The following CWF19L2 variants were observed in gnomAD, a reference collection of about 807,000 sequenced individuals.
The protein encoded by CWF19L2 is CWF19 like cell cycle control factor 2, also known as CWF19-like protein 2.
Under a neutral mutation model 111.7 loss-of-function variants are expected in CWF19L2, and 98 were observed. That is an observed-to-expected ratio of 0.88 (90% CI 0.75 to 1.04). The LOEUF is 1.04. CWF19L2 is among the 50% of genes least tolerant of loss of function. CWF19L2 has a pLI of 0.00. For synonymous variants in CWF19L2, 351 were observed against 342.9 expected, an observed-to-expected ratio of 1.02 and a Z score of -0.26; for missense variants, 1,101 against 1,051.4, an observed-to-expected ratio of 1.05 and a Z score of -0.65.
intron 14 of CWF19L2, among the ~76,000 whole-genome samples, chr11:107,341,076 T>C (rs767765350): frequency 1.3e-5 from 2 of 152,202 alleles, no homozygotes; most frequent in Non-Finnish European, 2.9e-5. Context: ...AAAGCAATGG[T>C]CTGCCCTGTT....
chr11:107,387,428 G>T (rs999062250), intron 12 of CWF19L2, among the ~76,000 whole-genome samples: 4 of 144,782 alleles, frequency 2.8e-5, no homozygotes, highest in Non-Finnish European at 4.5e-5. Flanking sequence ...ACCAAATCAT[G>T]ACACAGCCTT....
intron 12 of CWF19L2, among the ~76,000 whole-genome samples, chr11:107,362,786 G>A (rs1020660466): frequency 4.0e-5 from 6 of 151,750 alleles, no homozygotes; most frequent in African/African-American, 1.5e-4. Flanking sequence ...CCAAAGGAAC[G>A]CAGTTCCTCA....
chr11:107,350,890 T>A (rs188302824), intron 13 of CWF19L2, among the ~76,000 whole-genome samples: 1 of 152,124 alleles, frequency 6.6e-6, no homozygotes, highest in East Asian at 1.9e-4. Context: ...AGGAAAAGCA[T>A]GTGAGGAGGA....
chr11:107,425,053 T>C (rs1391118078), intron 8 of CWF19L2, among the ~76,000 whole-genome samples: 2 of 151,712 alleles, frequency 1.3e-5, no homozygotes, highest in African/African-American at 2.4e-5. Context: ...GCAATTATCC[T>C]GCAAAAAGAA....
intron 10 of CWF19L2, among the ~76,000 whole-genome samples, chr11:107,409,868 A>G (rs1203930475): frequency 6.6e-6 from 1 of 152,154 alleles, no homozygotes; most frequent in Non-Finnish European, 1.5e-5. Context: ...TAAATTAAAG[A>G]CATTCATAAA....
intron 8 of CWF19L2, among the ~76,000 whole-genome samples, chr11:107,424,256 C>A (rs753816255): frequency 2.0e-5 from 3 of 151,562 alleles, no homozygotes; most frequent in Admixed American, 6.6e-5. Flanking sequence ...CCCACACTCA[C>A]CCATACTAAC....
intron 12 of CWF19L2, among the ~76,000 whole-genome samples, chr11:107,355,048 T>C (rs1860215156): frequency 6.6e-6 from 1 of 151,772 alleles, no homozygotes; most frequent in Non-Finnish European, 1.5e-5. Flanking sequence ...TTCTACTAAG[T>C]GTAATATAAG....
intron 10 of CWF19L2, among the ~76,000 whole-genome samples, chr11:107,409,220 G>C (rs1861124125): frequency 6.6e-6 from 1 of 151,954 alleles, no homozygotes; most frequent in African/African-American, 2.4e-5. Context: ...TGTTAAAGCA[G>C]TAATTGAATA....
At chr11:107,452,868 T>C (rs1033751951) in intron 3 of CWF19L2, among the ~76,000 whole-genome samples, 1 of 152,186 alleles carries the variant, frequency 6.6e-6, no homozygotes, top group African/African-American at 2.4e-5. Context: ...TCATAGCTAA[T>C]TGGGCTGCTA....
chr11:107,362,176 C>T (rs1860358012), intron 12 of CWF19L2, among the ~76,000 whole-genome samples: 1 of 141,886 alleles, frequency 7.0e-6, no homozygotes, highest in African/African-American at 2.7e-5. Flanking sequence ...GGGTCCTACG[C>T]CCACGGAGTC....
chr11:107,343,906 TC>T (rs1860041266), intron 14 of CWF19L2, among the ~76,000 whole-genome samples: 1 of 152,164 alleles, frequency 6.6e-6, no homozygotes, highest in South Asian at 2.1e-4. Context: ...AAATACTTTC[TC>T]CACATACATT....
At chr11:107,359,271 G>A (rs1860286447) in intron 12 of CWF19L2, among the ~76,000 whole-genome samples, 1 of 152,200 alleles carries the variant, frequency 6.6e-6, no homozygotes, top group Non-Finnish European at 1.5e-5. Flanking sequence ...TACTGGAATA[G>A]ATACTTTGGA....
intron 12 of CWF19L2, among the ~76,000 whole-genome samples, chr11:107,362,390 G>C (rs1006356099): frequency 2.0e-5 from 3 of 151,942 alleles, no homozygotes; most frequent in African/African-American, 7.3e-5. Context: ...CAAACAAAAA[G>C]ACAGCAGTAA....
At chr11:107,434,842 A>AAGGGGGC (rs772282446) in intron 6 of CWF19L2, among the ~76,000 whole-genome samples, 1 of 152,018 alleles carries the variant, frequency 6.6e-6, no homozygotes, top group Non-Finnish European at 1.5e-5. Flanking sequence ...AAGGGTCACA[A>AAGGGGGC]AGGGGGCTTC....
intron 13 of CWF19L2, among the ~76,000 whole-genome samples, chr11:107,352,528 A>G (rs948499506): frequency 1.3e-5 from 2 of 152,214 alleles, no homozygotes; most frequent in African/African-American, 4.8e-5. Context: ...CAAAAATATT[A>G]AAGAATGAAC....
chr11:107,373,371 G>A (rs1860544381), intron 12 of CWF19L2, among the ~76,000 whole-genome samples: 1 of 134,536 alleles, frequency 7.4e-6, no homozygotes, highest in Non-Finnish European at 1.6e-5. Flanking sequence ...AAATGCCCCT[G>A]TCTGACAGCT....
intron 10 of CWF19L2, among the ~76,000 whole-genome samples, chr11:107,415,735 A>T (rs1463567657): frequency 1.3e-5 from 2 of 152,208 alleles, no homozygotes; most frequent in Non-Finnish European, 2.9e-5. Flanking sequence ...AGAAAACTAA[A>T]TTTTTTAAAA....
chr11:107,454,604 T>C, intron 2 of CWF19L2, 32 bp from the exon 3 acceptor site: 1 of 1,264,806 alleles, frequency 7.9e-7, no homozygotes, highest in Non-Finnish European at 1.0e-6. Context: ...AAGAAAATAA[T>C]TTAATTTCAT....
rs1302553611 is a variant in CWF19L2 at position 107,429,184 on chromosome 11, C to G, written c.1048G>C (p.Glu350Gln). ...RPGSLETCRR[E>Q]SNPRQNQEFS... Reference sequence around the variant, plus strand: ...TCTTGATTTTGCCTTGGGTTAGATTCTCTTCTACACGTTTCTAAAGACCCA... The same window carrying G: ...TCTTGATTTTGCCTTGGGTTAGATTGTCTTCTACACGTTTCTAAAGACCCA... Residue 350 changes from glutamate to glutamine, a missense_variant, in exon 8 of 18, where the codon GAA (glutamate) becomes CAA (glutamine). Glu to Gln is a conservative substitution (Grantham distance 29). Coordinates refer to ENST00000282251, the MANE Select transcript of CWF19L2 (RefSeq NM_152434.3). The G allele has an allele frequency of 6.2e-7, 1 of 1,613,770 alleles. No homozygotes were observed. The highest frequency in any genetic ancestry group is 8.5e-7 in the Non-Finnish European group (1 of 1,179,784).
Sources: gnomAD v4.1 joint callset for allele counts (sites outside exome capture counted in the v4.1 genomes callset) on GRCh38, gnomAD v4.1.1 for gene constraint, MANE v1.5 for transcripts, NCBI Gene and HGNC (gene_info 2026-07-23, HGNC 2026-07-21) for gene names.